The following GALNT13 variants were observed in gnomAD, a reference collection of about 807,000 sequenced individuals.
GALNT13 encodes the protein polypeptide N-acetylgalactosaminyltransferase 13.
GALNT13 carries 28 observed loss-of-function variants against 64.2 expected under a neutral mutation model. The observed-to-expected ratio is 0.44, with a 90% confidence interval of 0.32 to 0.60. GALNT13 has a LOEUF of 0.60. GALNT13 is among the 20% of genes least tolerant of loss of function. The pLI is 0.05. For synonymous variants in GALNT13, 214 were observed against 224.6 expected, an observed-to-expected ratio of 0.95 and a Z score of 0.42; for missense variants, 577 against 669.8, an observed-to-expected ratio of 0.86 and a Z score of 1.53.
rs527686082 is a variant in GALNT13, at chr2:154,289,298, A to C, written c.976-12111A>C. On this transcript the variant is annotated intron_variant, in intron 8 of 12. Transcript: ENST00000392825. ...GCCTATGAAAAATTTTTTTGTCCTA[A>C]GTCTCCAGGCTTGTGATGGTACCAA... Among the ~76,000 whole-genome samples, 5 of 152,290 alleles carry C rather than the reference A, an allele frequency of 3.3e-5. No individual in the cohort carries two copies. In the East Asian group the frequency reaches 9.7e-4, roughly 29 times the overall value.
At chr2:153,657,816 GC>G in the GALNT13 span, among the ~76,000 whole-genome samples, 1 of 152,084 alleles carries the variant, frequency 6.6e-6, no homozygotes, top group African/African-American at 2.4e-5. Flanking sequence ...AATATAGCAA[GC>G]CTGGGCTCTT....
At chr2:153,085,238 G>T in the GALNT13 span, among the ~76,000 whole-genome samples, 1 of 152,282 alleles carries the variant, frequency 6.6e-6, no homozygotes, top group East Asian at 1.9e-4. Context: ...AAAATTTGCA[G>T]CCTGACAATG....
chr2:153,866,167 G>T, the GALNT13 span, among the ~76,000 whole-genome samples: 1 of 115,238 alleles, frequency 8.7e-6, no homozygotes, highest in Admixed American at 9.2e-5. Context: ...GTTGTGGGGT[G>T]GGGGGAGGGG....
the GALNT13 span, among the ~76,000 whole-genome samples, chr2:153,284,746 T>C: frequency 1.3e-5 from 2 of 152,098 alleles, no homozygotes; most frequent in Non-Finnish European, 2.9e-5. Context: ...TACATTCTCC[T>C]TTCTGGGACC....
chr2:154,236,046 C>A, intron 4 of GALNT13: 1 of 1,246,352 alleles, frequency 8.0e-7, no homozygotes, highest in South Asian at 1.4e-5. Context: ...AAATCAACAG[C>A]TAATAGACCA....
the GALNT13 span, among the ~76,000 whole-genome samples, chr2:153,164,352 C>G: frequency 4.6e-5 from 7 of 152,122 alleles, no homozygotes; most frequent in Non-Finnish European, 4.4e-5. Flanking sequence ...CTCATGTACA[C>G]ACATCTGTGT....
the GALNT13 span, among the ~76,000 whole-genome samples, chr2:153,816,155 A>G: frequency 6.6e-6 from 1 of 152,252 alleles, no homozygotes; most frequent in Non-Finnish European, 1.5e-5. Context: ...CAAAATTAGA[A>G]TAAGTAATCA....
At chr2:154,343,733 A>G (rs1695903796) in intron 9 of GALNT13, among the ~76,000 whole-genome samples, 1 of 152,102 alleles carries the variant, frequency 6.6e-6, no homozygotes, top group Admixed American at 6.6e-5. Flanking sequence ...AATTAAGTTC[A>G]TCCCTAACTA....
intron 8 of GALNT13, among the ~76,000 whole-genome samples, chr2:154,278,176 GA>G (rs1238039312): frequency 6.6e-6 from 1 of 151,912 alleles, no homozygotes; most frequent in Non-Finnish European, 1.5e-5. Context: ...TTGCATTTGC[GA>G]AAAACATCAT....
chr2:153,900,208 G>C (rs954407649), intron 1 of GALNT13, among the ~76,000 whole-genome samples: 1 of 151,822 alleles, frequency 6.6e-6, no homozygotes, highest in African/African-American at 2.4e-5. Flanking sequence ...TTATAACACC[G>C]TATATACTCC....
chr2:154,260,862 CA>C, intron 8 of GALNT13, among the ~76,000 whole-genome samples: 1 of 152,204 alleles, frequency 6.6e-6, no homozygotes, highest in South Asian at 2.1e-4. Context: ...GAAATAAAAT[CA>C]ACACAGAAAT....
chr2:154,254,968 A>G (rs980551932), intron 7 of GALNT13, among the ~76,000 whole-genome samples: 20 of 152,312 alleles, frequency 1.3e-4, no homozygotes, highest in African/African-American at 4.6e-4. Context: ...TTAAATGCAT[A>G]TATCCACAAA....
At chr2:153,232,964 C>T in the GALNT13 span, among the ~76,000 whole-genome samples, 24 of 152,164 alleles carry the variant, frequency 1.6e-4, 1 homozygote, top group Admixed American at 1.4e-3. Flanking sequence ...ATTTGTGACT[C>T]CAACAAGTCA....
chr2:154,331,448 A>G (rs1695162964), intron 9 of GALNT13, among the ~76,000 whole-genome samples: 3 of 151,466 alleles, frequency 2.0e-5, no homozygotes, highest in Non-Finnish European at 4.4e-5. Flanking sequence ...CATCACAGGT[A>G]TATGCCACCA....
the GALNT13 span, among the ~76,000 whole-genome samples, chr2:153,209,456 C>T: frequency 6.6e-6 from 1 of 152,186 alleles, no homozygotes; most frequent in Admixed American, 6.5e-5. Flanking sequence ...TATGCCAATA[C>T]CTTGGTGAAA....
the GALNT13 span, among the ~76,000 whole-genome samples, chr2:153,329,292 T>C: frequency 6.6e-6 from 1 of 152,212 alleles, no homozygotes; most frequent in Non-Finnish European, 1.5e-5. Flanking sequence ...TATAGCTGTA[T>C]ACTGAGTAAT....
chr2:153,693,983 C>A, the GALNT13 span, among the ~76,000 whole-genome samples: 2 of 152,064 alleles, frequency 1.3e-5, no homozygotes, highest in African/African-American at 4.8e-5. Context: ...TGGCGGGCAC[C>A]TGTAGTTCCA....
At chr2:153,614,646 A>C in the GALNT13 span, among the ~76,000 whole-genome samples, 1 of 152,090 alleles carries the variant, frequency 6.6e-6, no homozygotes, top group African/African-American at 2.4e-5. Context: ...TATTAATGAT[A>C]TTGCTATCTT....
At chr2:153,441,392 G>T in the GALNT13 span, among the ~76,000 whole-genome samples, 1 of 152,160 alleles carries the variant, frequency 6.6e-6, no homozygotes, top group Non-Finnish European at 1.5e-5. Flanking sequence ...GATGCCTCCA[G>T]CTTTGTTCTT....
Sources: gnomAD v4.1 joint callset for allele counts (sites outside exome capture counted in the v4.1 genomes callset) on GRCh38, gnomAD v4.1.1 for gene constraint, MANE v1.5 for transcripts, NCBI Gene and HGNC (gene_info 2026-07-23, HGNC 2026-07-21) for gene names.